Variants in KCNJ6 observed in about 807,000 individuals in gnomAD.
The protein encoded by KCNJ6 is G protein-activated inward rectifier potassium channel 2.
In KCNJ6, 9 loss-of-function variants were observed where a neutral mutation model predicts 34.2. The observed-to-expected ratio is 0.26, with a 90% confidence interval of 0.16 to 0.46. The LOEUF is 0.46. Among genes scored for constraint, KCNJ6 ranks in the 20% least tolerant of loss-of-function variants. The probability of loss-of-function intolerance (pLI) is 1.00; values close to 1 mark genes in which losing one functional copy is unlikely to be tolerated. For missense variants in KCNJ6, 236 were observed against 531.3 expected (o/e 0.44, Z 5.46); for synonymous variants, 196 against 207.1 (o/e 0.95, Z 0.46).
chr21:37,908,709 A>G (rs2055853278), intron 1 of KCNJ6, among the ~76,000 whole-genome samples: 1 of 152,228 alleles, frequency 6.6e-6, no homozygotes, highest in Non-Finnish European at 1.5e-5. Flanking sequence ...AAAAGTCAAC[A>G]TATCCCAACT....
intron 2 of KCNJ6, among the ~76,000 whole-genome samples, chr21:37,773,860 C>T (rs540514604): frequency 1.3e-5 from 2 of 152,240 alleles, no homozygotes; most frequent in African/African-American, 2.4e-5. Context: ...AGCATCCATC[C>T]CCTCCAGGTG....
intron 2 of KCNJ6, among the ~76,000 whole-genome samples, chr21:37,821,196 T>A (rs1018293006): frequency 1.3e-5 from 2 of 152,202 alleles, no homozygotes; most frequent in Non-Finnish European, 2.9e-5. Flanking sequence ...GGAAAATAAC[T>A]TTTTTATTTA....
rs1433193496 is a variant in KCNJ6 at position 37,812,829 on chromosome 21, A to G, written c.25+27829T>C. Among the ~76,000 whole-genome samples the G allele has an allele frequency of 2.0e-5, 3 of 152,332 alleles. No individual in the cohort carries two copies. In the East Asian group the frequency reaches 5.8e-4, roughly 29 times the overall value. ...TATCATACTGAATGAAGAAAAACTG[A>G]AAGCCTTTCCTCTAAGATCCGGAAC... On this transcript the variant is annotated intron_variant, in intron 2 of 3. Transcript: ENST00000609713.
intron 1 of KCNJ6, among the ~76,000 whole-genome samples, chr21:37,872,994 TGTCA>T (rs2055660027): frequency 1.3e-5 from 2 of 152,208 alleles, no homozygotes; most frequent in South Asian, 4.1e-4. Flanking sequence ...CATGTGGAAC[TGTCA>T]GTCAATTATA....
At chr21:37,837,840 T>C (rs1291205885) in intron 2 of KCNJ6, among the ~76,000 whole-genome samples, 1 of 152,186 alleles carries the variant, frequency 6.6e-6, no homozygotes, top group African/African-American at 2.4e-5. Context: ...ATGTATTTCA[T>C]TGTAGATTTC....
chr21:37,719,391 TTTGAGCTGCTCCGTAGGGCAAG>T (rs1216036436), intron 2 of KCNJ6: 2 of 152,086 alleles, frequency 1.3e-5, no homozygotes, highest in African/African-American at 4.8e-5. Context: ...CCAGGAGCAT[TTTGAGCTGCTCCGTAGGGCAAG>T]TTGCAGCTGT....
intron 1 of KCNJ6, among the ~76,000 whole-genome samples, chr21:37,880,575 G>T (rs1748583364): frequency 6.6e-6 from 1 of 152,184 alleles, no homozygotes; most frequent in African/African-American, 2.4e-5. Flanking sequence ...CAAGAGTGAG[G>T]GAGGAAGAAG....
At chr21:37,798,394 G>A (rs770949587) in intron 2 of KCNJ6, among the ~76,000 whole-genome samples, 1 of 152,212 alleles carries the variant, frequency 6.6e-6, no homozygotes, top group South Asian at 2.1e-4. Context: ...CCTTAGGAAG[G>A]CTTTTGGGGA....
intron 2 of KCNJ6, among the ~76,000 whole-genome samples, chr21:37,798,459 T>C (rs1018040822): frequency 1.1e-4 from 15 of 133,134 alleles, no homozygotes; most frequent in Non-Finnish European, 2.4e-4. Flanking sequence ...AAAGAAAACA[T>C]ATGCTCACAC....
intron 1 of KCNJ6, among the ~76,000 whole-genome samples, chr21:37,888,292 C>T (rs1473641667): frequency 1.3e-5 from 2 of 152,210 alleles, no homozygotes; most frequent in Admixed American, 6.5e-5. Context: ...ATTCCCTTTT[C>T]CCCTTCAGCC....
At chr21:37,806,223 C>T (rs2055292879) in intron 2 of KCNJ6, among the ~76,000 whole-genome samples, 1 of 152,092 alleles carries the variant, frequency 6.6e-6, no homozygotes, top group Non-Finnish European at 1.5e-5. Flanking sequence ...GTTGTTTACC[C>T]CAGGTAGATA....
intron 1 of KCNJ6, among the ~76,000 whole-genome samples, chr21:37,914,779 G>A (rs1235588071): frequency 6.6e-6 from 1 of 152,144 alleles, no homozygotes; most frequent in African/African-American, 2.4e-5. Flanking sequence ...AGGCAGGCAG[G>A]GAACAGGGCT....
At chr21:37,699,676 A>C (rs2054680687) in intron 3 of KCNJ6, among the ~76,000 whole-genome samples, 1 of 152,142 alleles carries the variant, frequency 6.6e-6, no homozygotes, top group Non-Finnish European at 1.5e-5. Flanking sequence ...GACCCACTTT[A>C]AAAAGGGGCA....
chr21:37,610,777 A>AAAATATTTTG lies in KCNJ6; in HGVS notation c.*14372_*14381dup, dbSNP rs1298040680. The stretch of plus-strand genomic sequence containing the variant: ...AAGAAGAAATCTCAAGATAAGTGAA[A>AAAATATTTTG]AAATATTTTGAAATAAATGAAAATA... On this transcript the variant is annotated 3_prime_UTR_variant, in exon 4 of 4. Coordinates refer to ENST00000609713, the MANE Select transcript of KCNJ6 (RefSeq NM_002240.5). 6.6e-6 allele frequency: 1 copy of AAAATATTTTG among 152,138 alleles called. No homozygotes were observed. 9.4% of individuals were successfully genotyped at this position (152,138 alleles called of 1,614,324 possible).
At chr21:37,909,238 C>T (rs569521542) in intron 1 of KCNJ6, among the ~76,000 whole-genome samples, 2 of 152,266 alleles carry the variant, frequency 1.3e-5, no homozygotes, top group East Asian at 3.9e-4. Flanking sequence ...TTTTCTGTTT[C>T]AAGAACTTTC....
chr21:37,790,047 G>A (rs1421839931), intron 2 of KCNJ6, among the ~76,000 whole-genome samples: 2 of 152,198 alleles, frequency 1.3e-5, no homozygotes, highest in Non-Finnish European at 2.9e-5. Flanking sequence ...TTGGGATAAA[G>A]TAAGGTCTAG....
At chr21:37,739,038 C>T (rs2054926584) in intron 2 of KCNJ6, among the ~76,000 whole-genome samples, 1 of 152,194 alleles carries the variant, frequency 6.6e-6, no homozygotes, top group South Asian at 2.1e-4. Flanking sequence ...CTGGCCAATA[C>T]AGCAGCTACC....
chr21:37,807,629 A>T (rs1358254640), intron 2 of KCNJ6, among the ~76,000 whole-genome samples: 1 of 152,236 alleles, frequency 6.6e-6, no homozygotes, highest in African/African-American at 2.4e-5. Flanking sequence ...CATGCTACAC[A>T]GGCTTGTGGC....
intron 2 of KCNJ6, among the ~76,000 whole-genome samples, chr21:37,734,530 C>G (rs1031070693): frequency 1.3e-5 from 2 of 152,146 alleles, no homozygotes; most frequent in Non-Finnish European, 2.9e-5. Flanking sequence ...TTGTGGTGTA[C>G]AAGCTCCCAC....
Sources: gnomAD v4.1 joint callset for allele counts (sites outside exome capture counted in the v4.1 genomes callset) on GRCh38, gnomAD v4.1.1 for gene constraint, MANE v1.5 for transcripts, NCBI Gene and HGNC (gene_info 2026-07-23, HGNC 2026-07-21) for gene names.